The following TEX11 variants were observed in gnomAD, a reference collection of about 807,000 sequenced individuals.
The protein encoded by TEX11 is testis-expressed protein 11.
TEX11 carries 7 observed loss-of-function variants against 84.4 expected under a neutral mutation model. The ratio of observed to expected loss-of-function variants is 0.08; its 90% CI spans 0.05 to 0.16. The LOEUF (loss-of-function observed/expected upper bound fraction) is 0.16. TEX11 is among the 10% of genes least tolerant of loss of function. TEX11 has a pLI of 1.00. For missense variants in TEX11, 551 were observed against 660.5 expected (o/e 0.83, Z 1.82); for synonymous variants, 264 against 222.8 (o/e 1.18, Z -1.64).
chrX:70,514,622 A>G, the TEX11 span, among the ~76,000 whole-genome samples: 1 of 107,922 alleles, frequency 9.3e-6, no homozygotes, highest in Non-Finnish European at 1.9e-5. Context: ...AGAAAGAAAG[A>G]GGGGAGTTAT....
chrX:70,768,279 A>C (rs1242042221), intron 9 of TEX11, among the ~76,000 whole-genome samples: 1 of 111,174 alleles, frequency 9.0e-6, no homozygotes, highest in African/African-American at 3.3e-5. Flanking sequence ...GTACCCACAA[A>C]AATTAAAAAT....
intron 25 of TEX11, among the ~76,000 whole-genome samples, chrX:70,579,530 A>G (rs5980972): frequency 9.7e-6 from 1 of 103,151 alleles, no homozygotes; most frequent in South Asian, 4.3e-4. Flanking sequence ...AAAAAAAAAA[A>G]AAAACAAAAA....
intron 8 of TEX11, among the ~76,000 whole-genome samples, chrX:70,830,096 C>T (rs1235049490): frequency 1.8e-5 from 2 of 110,182 alleles, no homozygotes; most frequent in African/African-American, 6.6e-5. Context: ...AAAACAAGAC[C>T]CAATGATCTC....
chrX:70,511,708 G>A, the TEX11 span, among the ~76,000 whole-genome samples: 16 of 84,564 alleles, frequency 1.9e-4, no homozygotes, highest in Admixed American at 1.9e-3. Context: ...AGCCGAGACC[G>A]CACCATTGCA....
intron 9 of TEX11, among the ~76,000 whole-genome samples, chrX:70,749,101 C>G (rs1197481875): frequency 9.5e-6 from 1 of 105,053 alleles, no homozygotes; most frequent in Non-Finnish European, 1.9e-5. Flanking sequence ...TTTCATTGAG[C>G]AGTGGTTTGT....
chrX:70,842,742 C>T (rs1048114189), intron 7 of TEX11, among the ~76,000 whole-genome samples: 11 of 111,817 alleles, frequency 9.8e-5, no homozygotes, highest in Non-Finnish European at 2.1e-4. Context: ...CCCATCATCT[C>T]AGCCCAAAAT....
intron 13 of TEX11, among the ~76,000 whole-genome samples, chrX:70,719,921 G>A (rs2090541972): frequency 9.0e-6 from 1 of 111,355 alleles, no homozygotes; most frequent in Non-Finnish European, 1.9e-5. Flanking sequence ...CACTGTTGGT[G>A]GGACTGTAAA....
At chrX:70,554,515 T>C in intron 26 of TEX11, 136 bp downstream of exon 26, 1 of 506,549 alleles carries the variant, frequency 2.0e-6, no homozygotes, top group Non-Finnish European at 3.1e-6. Flanking sequence ...AGAATGGCAT[T>C]AGAGAAGGAG....
At chrX:70,585,256 G>T (rs987936836) in intron 25 of TEX11, among the ~76,000 whole-genome samples, 3 of 111,815 alleles carry the variant, frequency 2.7e-5, no homozygotes, top group Admixed American at 1.9e-4. Flanking sequence ...AGGAAATTAA[G>T]AAAACAATTC....
intron 28 of TEX11, among the ~76,000 whole-genome samples, chrX:70,534,802 A>G (rs763701742): frequency 1.8e-5 from 2 of 112,241 alleles, no homozygotes; most frequent in Non-Finnish European, 3.8e-5. Flanking sequence ...TAGTTTATCT[A>G]AAGTGTACAA....
intron 9 of TEX11, among the ~76,000 whole-genome samples, chrX:70,758,965 A>G (rs1170592102): frequency 8.9e-6 from 1 of 112,021 alleles, no homozygotes; most frequent in African/African-American, 3.2e-5. Flanking sequence ...AATACAAACT[A>G]CCATCAGAGA....
At chrX:70,567,002 T>C (rs2088493465) in intron 25 of TEX11, among the ~76,000 whole-genome samples, 1 of 111,875 alleles carries the variant, frequency 8.9e-6, no homozygotes, top group African/African-American at 3.2e-5. Flanking sequence ...CTTGTACCTC[T>C]GGTAGAATTC....
At chrX:70,511,405 T>G in the TEX11 span, among the ~76,000 whole-genome samples, 8 of 111,903 alleles carry the variant, frequency 7.1e-5, no homozygotes, top group East Asian at 2.0e-3. Flanking sequence ...TGATATTAAA[T>G]AAATAATCAC....
intron 10 of TEX11, 41 bp downstream of exon 10, chrX:70,744,124 G>A: frequency 1.1e-6 from 1 of 875,070 alleles, no homozygotes; most frequent in Non-Finnish European, 1.5e-6. Flanking sequence ...AATAAAGCAG[G>A]TTATTCAACC....
chrX:70,763,795 T>A (rs2090923795), intron 9 of TEX11, among the ~76,000 whole-genome samples: 1 of 110,874 alleles, frequency 9.0e-6, no homozygotes, highest in Non-Finnish European at 1.9e-5. Context: ...ATAACAATTT[T>A]AAATATATAT....
At chrX:70,750,966 A>ATATATATATATATATAT (rs1411833714) in intron 9 of TEX11, among the ~76,000 whole-genome samples, 60 of 84,362 alleles carry the variant, frequency 7.1e-4, no homozygotes, top group Non-Finnish European at 1.2e-3. Flanking sequence ...ATATATATAT[A>ATATATATATATATATAT]AAAGTCAGGA....
chrX:70,795,587 A>C (rs1402997132), intron 9 of TEX11, among the ~76,000 whole-genome samples: 1 of 111,947 alleles, frequency 8.9e-6, no homozygotes, highest in Non-Finnish European at 1.9e-5. Context: ...GGTAGTGGCC[A>C]CAGGGGTGCT....
chrX:70,771,399 T>C, intron 9 of TEX11, among the ~76,000 whole-genome samples: 1 of 112,493 alleles, frequency 8.9e-6, no homozygotes, highest in African/African-American at 3.2e-5. Flanking sequence ...TGTTGTCCAA[T>C]TCAAATGTCT....
intron 17 of TEX11, among the ~76,000 whole-genome samples, chrX:70,644,090 C>T (rs1398746249): frequency 3.1e-5 from 3 of 95,607 alleles, no homozygotes; most frequent in African/African-American, 7.6e-5. Context: ...AAAAAAACAA[C>T]CCCATCAAAA....
Sources: gnomAD v4.1 joint callset for allele counts (sites outside exome capture counted in the v4.1 genomes callset) on GRCh38, gnomAD v4.1.1 for gene constraint, MANE v1.5 for transcripts, NCBI Gene and HGNC (gene_info 2026-07-23, HGNC 2026-07-21) for gene names.